ALX4: variants seen among roughly 807,000 people sequenced by gnomAD.
ALX4 encodes ALX homeobox 4, also known as homeobox protein aristaless-like 4.
Under a neutral mutation model 40.6 loss-of-function variants are expected in ALX4, and 22 were observed. The observed-to-expected ratio is 0.54, with a 90% CI of 0.39 to 0.77. The LOEUF is 0.77. Among genes scored for constraint, ALX4 ranks in the 30% least tolerant of loss-of-function variants. The pLI, the probability that ALX4 is intolerant of heterozygous loss-of-function variation, is 0.00. For missense variants in ALX4, 556 were observed against 564.8 expected (o/e 0.98, Z 0.16); for synonymous variants, 266 against 240.5 (o/e 1.11, Z -0.98).
Position 44,275,581 on chromosome 11 carries a change from C to T in ALX4, c.544G>A (p.Val182Ile). ...GGCCCCTTCACCCCAGCCTCCTTGA[C>T]ACTCAGGTAGCTGCTGTCCATCCCC... ...TVGMDSSYLS[V>I]KEAGVKGPQD... The change falls in exon 2 of 4, where the codon GTC (valine) becomes ATC (isoleucine). Residue 182 changes from valine to isoleucine, a missense_variant. Val to Ile is a conservative substitution (Grantham distance 29, BLOSUM62 3). Transcript: ENST00000652299. 2 of 1,614,116 alleles carry T rather than the reference C, an allele frequency of 1.2e-6. No homozygotes were observed. Among genetic ancestry groups the T allele is most frequent in the Non-Finnish European group, 8.5e-7 (1 of 1,179,990 alleles).
intron 1 of ALX4, among the ~76,000 whole-genome samples, chr11:44,301,711 C>A (rs775142399): frequency 6.6e-6 from 1 of 152,212 alleles, no homozygotes; most frequent in Non-Finnish European, 1.5e-5. Context: ...TGCCTTTCCA[C>A]CCATTGTAGT....
chr11:44,287,377 A>G (rs1047701250), intron 1 of ALX4, among the ~76,000 whole-genome samples: 3 of 152,126 alleles, frequency 2.0e-5, no homozygotes, highest in Non-Finnish European at 4.4e-5. Context: ...TGCCACCAGT[A>G]GGGTTCCAGC....
At chr11:44,309,055 C>T (rs1352941162) in intron 1 of ALX4, among the ~76,000 whole-genome samples, 1 of 152,234 alleles carries the variant, frequency 6.6e-6, no homozygotes, top group East Asian at 1.9e-4. Flanking sequence ...ACGCTCCGGG[C>T]TTCCCGCCTG....
intron 1 of ALX4, among the ~76,000 whole-genome samples, chr11:44,284,347 T>G (rs944546038): frequency 3.3e-5 from 5 of 152,274 alleles, no homozygotes; most frequent in South Asian, 2.1e-4. Context: ...CTCTGTGCTG[T>G]GGGATTATGG....
chr11:44,294,382 C>G (rs548368761), intron 1 of ALX4, among the ~76,000 whole-genome samples: 1 of 152,340 alleles, frequency 6.6e-6, no homozygotes, highest in South Asian at 2.1e-4. Context: ...CAGAGAGGAA[C>G]ACAGCAGAAC....
At chr11:44,291,160 G>C (rs1039801323) in intron 1 of ALX4, among the ~76,000 whole-genome samples, 2 of 152,120 alleles carry the variant, frequency 1.3e-5, no homozygotes, top group African/African-American at 4.8e-5. Flanking sequence ...ATATAACAAA[G>C]ACTATAAATG....
chr11:44,271,902 C>G (rs184751256), intron 2 of ALX4, among the ~76,000 whole-genome samples: 124 of 152,320 alleles, frequency 8.1e-4, no homozygotes, highest in Non-Finnish European at 1.6e-3. Context: ...TATGCAAACA[C>G]AAATGTACAC....
At chr11:44,271,161 C>CA (rs911584687) in intron 2 of ALX4, among the ~76,000 whole-genome samples, 1 of 123,670 alleles carries the variant, frequency 8.1e-6, no homozygotes, top group Non-Finnish European at 1.8e-5. Flanking sequence ...CCCCTTACCC[C>CA]CCCAGGGCAC....
rs939614868 is a variant in ALX4 at position 44,308,641 on chromosome 11, G to C, written c.466+956C>G. The stretch of plus-strand genomic sequence containing the variant: ...ACGTCCTTGAGTGTCTCTCTCTCCC[G>C]GGCAATGGTGGCTGTGCTCTGGGGG... On this transcript the variant is annotated intron_variant, in intron 1 of 3. Coordinates refer to ENST00000652299, the MANE Select transcript of ALX4 (RefSeq NM_021926.4). 2.0e-5 allele frequency among the ~76,000 whole-genome samples: 3 copies of C among 152,340 alleles called. No individual in the cohort carries two copies. The South Asian group carries it at 6.2e-4, about 32-fold the overall frequency.
chr11:44,264,754 C>T lies in ALX4; in HGVS notation c.*100G>A, dbSNP rs574989828. ...CTGAGGGTCAGGCCCCTGGCCCAGG[C>T]CAGGTTCCTAAGAGGAAAGTCGAGT... On this transcript the variant is annotated 3_prime_UTR_variant, in exon 4 of 4. Coordinates refer to ENST00000652299, the MANE Select transcript of ALX4 (RefSeq NM_021926.4). 1 of 1,391,492 alleles carries T rather than the reference C, an allele frequency of 7.2e-7. No homozygotes were observed. Among genetic ancestry groups the T allele is most frequent in the Non-Finnish European group, 9.8e-7 (1 of 1,017,034 alleles). 86.2% of individuals were successfully genotyped at this position (1,391,492 alleles called of 1,614,324 possible).
intron 1 of ALX4, 55 bp downstream of exon 1, chr11:44,309,542 C>T (rs887703102): frequency 2.1e-5 from 32 of 1,532,594 alleles, no homozygotes; most frequent in South Asian, 1.2e-5. Flanking sequence ...TCAAGGGATG[C>T]GGAAGCCAAG....
intron 2 of ALX4, among the ~76,000 whole-genome samples, chr11:44,268,477 A>T (rs1473511224): frequency 6.6e-6 from 1 of 152,116 alleles, no homozygotes; most frequent in Non-Finnish European, 1.5e-5. Flanking sequence ...GTGGAGGCCA[A>T]CCCGTCACTG....
At chr11:44,293,161 A>AGGC (rs1956381350) in intron 1 of ALX4, among the ~76,000 whole-genome samples, 12 of 30,948 alleles carry the variant, frequency 3.9e-4, no homozygotes, top group African/African-American at 5.7e-4. Context: ...GGAAGGAAGG[A>AGGC]AGGAAGGAAG....
Position 44,274,193 on chromosome 11 carries a change from G to A in ALX4, c.777+1155C>T, listed in dbSNP as rs540752438. ...ATTTTTAAGAAGATAAAATAGGACA[G>A]TGTAACAAAAGGTGAGCTGGTTTGC... is the stretch of plus-strand genomic sequence containing the variant. On this transcript the variant is annotated intron_variant, in intron 2 of 3. Coordinates refer to ENST00000652299, the MANE Select transcript of ALX4 (RefSeq NM_021926.4). Among the ~76,000 whole-genome samples the A allele has an allele frequency of 4.6e-5, 7 of 152,304 alleles. No homozygotes were observed. The East Asian group carries it at 1.4e-3, about 29-fold the overall frequency.
At chr11:44,285,029 C>A (rs7939963) in intron 1 of ALX4, among the ~76,000 whole-genome samples, 142,052 of 152,130 alleles carry the variant, frequency 0.93, 66,741 homozygotes, top group Non-Finnish European at 0.99. Context: ...CAGTGGTGCA[C>A]TCTTGGCTCA....
chr11:44,283,171 C>T (rs759850136), intron 1 of ALX4, among the ~76,000 whole-genome samples: 2 of 149,910 alleles, frequency 1.3e-5, no homozygotes, highest in South Asian at 4.2e-4. Flanking sequence ...CGCTTGAACA[C>T]GGGAGGTGCA....
chr11:44,282,559 G>A (rs527351763), intron 1 of ALX4, among the ~76,000 whole-genome samples: 24 of 152,288 alleles, frequency 1.6e-4, no homozygotes, highest in African/African-American at 4.6e-4. Context: ...GAATCACCCC[G>A]AAATGGAGAC....
intron 1 of ALX4, among the ~76,000 whole-genome samples, chr11:44,298,152 T>G (rs780364520): frequency 6.6e-6 from 1 of 152,246 alleles, no homozygotes; most frequent in Admixed American, 6.5e-5. Flanking sequence ...CACTCCTCCA[T>G]GCATTCCTTC....
At chr11:44,295,017 T>C (rs1341661264) in intron 1 of ALX4, among the ~76,000 whole-genome samples, 3 of 151,902 alleles carry the variant, frequency 2.0e-5, no homozygotes, top group Admixed American at 2.0e-4. Flanking sequence ...GCCCAGCTAA[T>C]TTTTTGTATT....
Sources: gnomAD v4.1 joint callset for allele counts (sites outside exome capture counted in the v4.1 genomes callset) on GRCh38, gnomAD v4.1.1 for gene constraint, MANE v1.5 for transcripts, NCBI Gene and HGNC (gene_info 2026-07-23, HGNC 2026-07-21) for gene names.